Variants in RUNX1 observed in about 807,000 individuals in gnomAD.
The protein encoded by RUNX1 is RUNX family transcription factor 1.
RUNX1 carries 19 observed loss-of-function variants against 42.8 expected under a neutral mutation model. The observed-to-expected ratio is 0.44, with a 90% CI of 0.31 to 0.65. RUNX1 has a LOEUF of 0.65. Among genes scored for constraint, RUNX1 ranks in the 30% least tolerant of loss-of-function variants. The pLI, the probability that RUNX1 is intolerant of heterozygous loss-of-function variation, is 0.07. For missense variants in RUNX1, 528 were observed against 672.0 expected, an observed-to-expected ratio of 0.79 and a Z score of 2.37; for synonymous variants, 271 against 289.4, an observed-to-expected ratio of 0.94 and a Z score of 0.64.
At chr21:34,956,130 G>A (rs1410644172) in intron 2 of RUNX1, among the ~76,000 whole-genome samples, 1 of 152,166 alleles carries the variant, frequency 6.6e-6, no homozygotes, top group Admixed American at 6.5e-5. Context: ...TGGTGGAGAT[G>A]TGGGTTTTGG....
chr21:35,003,619 A>C (rs1465817957), intron 2 of RUNX1, among the ~76,000 whole-genome samples: 3 of 152,218 alleles, frequency 2.0e-5, no homozygotes, highest in Non-Finnish European at 4.4e-5. Context: ...TGAAGCCATG[A>C]AATCTCCCAC....
At chr21:34,982,460 G>GGGAAAGTTACCATCCACATCCA (rs2058854062) in intron 2 of RUNX1, among the ~76,000 whole-genome samples, 1 of 151,554 alleles carries the variant, frequency 6.6e-6, no homozygotes, top group African/African-American at 2.4e-5. Flanking sequence ...AGAGAGTTTG[G>GGGAAAGTTACCATCCACATCCA]ATTGGGAAAG....
intron 6 of RUNX1, among the ~76,000 whole-genome samples, chr21:34,859,115 G>C (rs2057534752): frequency 6.6e-6 from 1 of 152,158 alleles, no homozygotes; most frequent in Admixed American, 6.5e-5. Context: ...ACCTCTTTGG[G>C]CTGCCTCTGT....
chr21:34,836,117 A>ATAATG (rs1373728325), intron 6 of RUNX1, among the ~76,000 whole-genome samples: 1 of 152,244 alleles, frequency 6.6e-6, no homozygotes, highest in African/African-American at 2.4e-5. Flanking sequence ...ACACTTAAGC[A>ATAATG]TAATATTTAT....
chr21:34,928,964 G>T (rs71324336), intron 2 of RUNX1, among the ~76,000 whole-genome samples: 4 of 119,234 alleles, frequency 3.4e-5, no homozygotes, highest in East Asian at 2.9e-4. Flanking sequence ...TTTTTTTTGG[G>T]GGGGGGGGTA....
intron 2 of RUNX1, among the ~76,000 whole-genome samples, chr21:34,958,815 G>A (rs1323001921): frequency 6.6e-6 from 1 of 151,764 alleles, no homozygotes; most frequent in Non-Finnish European, 1.5e-5. Flanking sequence ...GTCCAACAAT[G>A]ATAGACTGGA....
chr21:34,912,159 A>G (rs2058277384), intron 2 of RUNX1, among the ~76,000 whole-genome samples: 1 of 150,658 alleles, frequency 6.6e-6, no homozygotes, highest in Admixed American at 6.6e-5. Flanking sequence ...TTAAGAATGA[A>G]TGAATCAATC....
In RUNX1 at chr21:34,880,627, A is replaced by G. The variant is rs749184017; in HGVS notation, c.438T>C (p.Asn146=). The G allele has an allele frequency of 1.9e-6, 3 of 1,614,032 alleles. No individual in the cohort carries two copies. The highest frequency in any genetic ancestry group is 2.5e-6 in the Non-Finnish European group (3 of 1,180,018). ...NDENYSAELR[N]ATAAMKNQVA... is the part of the protein sequence containing the mutation. ...CCTGGTTCTTCATGGCTGCGGTAGC[A>G]TTTCTCAGCTCAGCCGAGTAGTTTT... The change falls in exon 5 of 9, where the codon AAT becomes AAC. Residue 146 remains asparagine, a synonymous_variant. Transcript: ENST00000675419.
chr21:34,862,707 C>G (rs1325638020), intron 5 of RUNX1, among the ~76,000 whole-genome samples: 1 of 152,116 alleles, frequency 6.6e-6, no homozygotes, highest in African/African-American at 2.4e-5. Context: ...GACTTATGGC[C>G]CACCCAAGTC....
At chr21:34,864,969 A>C (rs570987561) in intron 5 of RUNX1, among the ~76,000 whole-genome samples, 204 of 152,300 alleles carry the variant, frequency 1.3e-3, no homozygotes, top group Non-Finnish European at 2.0e-3. Context: ...CTTAGGTTCA[A>C]AACCTCGCTC....
chr21:34,924,646 C>A lies in RUNX1; in HGVS notation c.59-31683G>T, dbSNP rs939471940. Among the ~76,000 whole-genome samples the A allele has an allele frequency of 2.0e-5, 3 of 152,116 alleles. No individual in the cohort carries two copies. The East Asian group carries it at 5.8e-4, about 29-fold the overall frequency. On this transcript the variant is annotated intron_variant, in intron 2 of 8. Transcript: ENST00000675419. ...ATGAGACCAAAGAGGAACGTGGGAG[C>A]CATTTGAAGGAGTATCATGTTTATT... is the stretch of plus-strand genomic sequence containing the variant.
At chr21:34,996,334 A>G (rs1050933660) in intron 2 of RUNX1, among the ~76,000 whole-genome samples, 4 of 152,086 alleles carry the variant, frequency 2.6e-5, no homozygotes, top group African/African-American at 4.8e-5. Context: ...GGTACAGGAG[A>G]GAAAATAGAG....
At chr21:34,876,854 CTTTTTCT>C (rs145503002) in intron 5 of RUNX1, among the ~76,000 whole-genome samples, 41,176 of 151,646 alleles carry the variant, frequency 0.27, 5,760 homozygotes, top group Non-Finnish European at 0.31. Context: ...GCTAAAATTT[CTTTTTCT>C]TTTTTCTTTT....
chr21:34,944,881 C>T (rs1419104818), intron 2 of RUNX1, among the ~76,000 whole-genome samples: 2 of 152,196 alleles, frequency 1.3e-5, no homozygotes, highest in Non-Finnish European at 2.9e-5. Context: ...GAATGAATTG[C>T]TTGTTTAACA....
At chr21:34,850,007 G>C (rs992566592) in intron 6 of RUNX1, among the ~76,000 whole-genome samples, 1 of 150,924 alleles carries the variant, frequency 6.6e-6, no homozygotes, top group Non-Finnish European at 1.5e-5. Flanking sequence ...GCCTTTCCTA[G>C]TTACATGGCT....
At chr21:34,875,884 T>G (rs535713568) in intron 5 of RUNX1, among the ~76,000 whole-genome samples, 1 of 152,280 alleles carries the variant, frequency 6.6e-6, no homozygotes, top group South Asian at 2.1e-4. Context: ...TAGAATAATT[T>G]AAGAATGAAA....
At chr21:34,992,883 T>A (rs77268513) in intron 2 of RUNX1, among the ~76,000 whole-genome samples, 1,712 of 152,156 alleles carry the variant, frequency 0.011, 36 homozygotes, top group African/African-American at 0.04. Flanking sequence ...CAAGTCCAGT[T>A]TCTCCATGTC....
intron 6 of RUNX1, among the ~76,000 whole-genome samples, chr21:34,850,662 C>T (rs994703441): frequency 1.3e-5 from 2 of 152,192 alleles, no homozygotes; most frequent in Non-Finnish European, 2.9e-5. Flanking sequence ...AAGGCCATTT[C>T]ACCCGTTAGT....
At chr21:34,890,950 C>T (rs749314745) in intron 3 of RUNX1, among the ~76,000 whole-genome samples, 1 of 152,170 alleles carries the variant, frequency 6.6e-6, no homozygotes, top group Non-Finnish European at 1.5e-5. Context: ...CGTGCATCCC[C>T]CGGAACCCCC....
Sources: gnomAD v4.1 joint callset for allele counts (sites outside exome capture counted in the v4.1 genomes callset) on GRCh38, gnomAD v4.1.1 for gene constraint, MANE v1.5 for transcripts, NCBI Gene and HGNC (gene_info 2026-07-23, HGNC 2026-07-21) for gene names.